NCOA2: variants seen among roughly 807,000 people sequenced by gnomAD.
NCOA2 encodes the protein nuclear receptor coactivator 2.
Under a neutral mutation model 145.1 loss-of-function variants are expected in NCOA2, and 21 were observed. The observed-to-expected ratio is 0.14, with a 90% CI of 0.10 to 0.21. NCOA2 has a LOEUF of 0.21. Ranked by LOEUF, NCOA2 falls within the 10% of genes least tolerant of loss-of-function variation. NCOA2 has a pLI of 1.00. For missense variants in NCOA2, 1,472 were observed against 1,837.6 expected (o/e 0.80, Z 3.64); for synonymous variants, 619 against 637.5 (o/e 0.97, Z 0.44).
At chr8:70,406,024 C>G (rs1032319524), upstream of NCOA2, among the ~76,000 whole-genome samples, 20 of 152,176 alleles carry the variant, frequency 1.3e-4, no homozygotes, top group Non-Finnish European at 2.8e-4. Flanking sequence ...GAACTTCAGG[C>G]TCTTGCTGTA....
intron 1 of NCOA2, among the ~76,000 whole-genome samples, chr8:70,369,158 T>C (rs559546448): frequency 6.6e-6 from 1 of 152,338 alleles, no homozygotes; most frequent in African/African-American, 2.4e-5. Context: ...TCAAAATGAA[T>C]AGACTTCACT....
chr8:70,293,971 T>C (rs934738584), intron 2 of NCOA2, among the ~76,000 whole-genome samples: 2 of 152,132 alleles, frequency 1.3e-5, no homozygotes, highest in Non-Finnish European at 2.9e-5. Flanking sequence ...TCTAAGGAAG[T>C]ATATAAATAA....
chr8:70,273,782 T>C, intron 2 of NCOA2: 1 of 588,082 alleles, frequency 1.7e-6, no homozygotes, highest in South Asian at 1.4e-5. Flanking sequence ...AGAATGATGA[T>C]GATGAAGTTC....
intron 2 of NCOA2, among the ~76,000 whole-genome samples, chr8:70,250,069 T>C (rs1266795987): frequency 1.3e-5 from 2 of 151,424 alleles, no homozygotes; most frequent in Non-Finnish European, 2.9e-5. Flanking sequence ...ATTTCCAAAC[T>C]TTTAGTAATG....
intron 2 of NCOA2, among the ~76,000 whole-genome samples, chr8:70,246,347 T>C (rs1056523219): frequency 3.9e-5 from 6 of 152,082 alleles, no homozygotes; most frequent in African/African-American, 9.7e-5. Context: ...TGCTGGGTAG[T>C]TGAAAGTGGG....
At chr8:70,125,033 G>A (rs1248994677) in intron 19 of NCOA2, among the ~76,000 whole-genome samples, 168 bp from the exon 20 acceptor site, 1 of 152,050 alleles carries the variant, frequency 6.6e-6, no homozygotes, top group Non-Finnish European at 1.5e-5. Context: ...TCCAAGCTCG[G>A]ATAAAATATG....
chr8:70,246,649 T>C (rs1299505860), intron 2 of NCOA2, among the ~76,000 whole-genome samples: 4 of 152,142 alleles, frequency 2.6e-5, no homozygotes, highest in African/African-American at 9.6e-5. Flanking sequence ...CATACTGTTA[T>C]GCAACAGATC....
intron 1 of NCOA2, among the ~76,000 whole-genome samples, chr8:70,318,493 T>C (rs1805792116): frequency 6.6e-6 from 1 of 152,086 alleles, no homozygotes; most frequent in African/African-American, 2.4e-5. Context: ...TGGCCAGGCA[T>C]GGTGGCTCAT....
chr8:70,264,894 C>T (rs1417765136), intron 2 of NCOA2, among the ~76,000 whole-genome samples: 1 of 151,674 alleles, frequency 6.6e-6, no homozygotes, highest in African/African-American at 2.4e-5. Context: ...GAATAGTATA[C>T]TATTTAACTG....
chr8:70,116,487 G>C (rs1807145425), intron 22 of NCOA2, among the ~76,000 whole-genome samples: 1 of 151,052 alleles, frequency 6.6e-6, no homozygotes, highest in Non-Finnish European at 1.5e-5. Flanking sequence ...GGAGACAGAG[G>C]CTGCAGTGAG....
chr8:70,324,171 C>T (rs1181950107), intron 1 of NCOA2, among the ~76,000 whole-genome samples: 1 of 152,118 alleles, frequency 6.6e-6, no homozygotes, highest in Non-Finnish European at 1.5e-5. Flanking sequence ...CTATTTTCTC[C>T]ATCTTATCAA....
At chr8:70,300,018 C>A (rs1220741870) in intron 1 of NCOA2, among the ~76,000 whole-genome samples, 1 of 152,138 alleles carries the variant, frequency 6.6e-6, no homozygotes, top group Non-Finnish European at 1.5e-5. Flanking sequence ...TGAAAGAAGA[C>A]TGACACAAAT....
chr8:70,119,004 T>C (rs1384226987), intron 22 of NCOA2, among the ~76,000 whole-genome samples: 2 of 152,060 alleles, frequency 1.3e-5, no homozygotes, highest in South Asian at 2.1e-4. Flanking sequence ...GGATTTTTTA[T>C]TTTATTTTTA....
At chr8:70,270,556 G>A (rs147096964) in intron 2 of NCOA2, among the ~76,000 whole-genome samples, 6 of 152,174 alleles carry the variant, frequency 3.9e-5, no homozygotes, top group African/African-American at 1.2e-4. Context: ...TGCTGTAGTC[G>A]GGGTGGCTGG....
chr8:70,436,211 C>A, the NCOA2 span, among the ~76,000 whole-genome samples: 1 of 152,138 alleles, frequency 6.6e-6, no homozygotes, highest in South Asian at 2.1e-4. Flanking sequence ...AGCCTAATGC[C>A]CAGACGTTGA....
intron 3 of NCOA2, among the ~76,000 whole-genome samples, chr8:70,215,285 G>A (rs978937732): frequency 6.6e-6 from 1 of 152,138 alleles, no homozygotes; most frequent in African/African-American, 2.4e-5. Context: ...ACAAATAGGT[G>A]AGAAAGGGGA....
At chr8:70,249,977 A>AAAAG (rs751876043) in intron 2 of NCOA2, among the ~76,000 whole-genome samples, 28 of 137,972 alleles carry the variant, frequency 2.0e-4, no homozygotes, top group East Asian at 2.0e-3. Flanking sequence ...AAAAAAAAAA[A>AAAAG]AAGAAGAAGA....
intron 9 of NCOA2, among the ~76,000 whole-genome samples, chr8:70,159,876 T>C (rs1812752438): frequency 6.6e-6 from 1 of 152,210 alleles, no homozygotes; most frequent in South Asian, 2.1e-4. Flanking sequence ...CTGTTTTCCT[T>C]ATGAAAAGGA....
chr8:70,301,184 T>C (rs971828566), intron 1 of NCOA2, among the ~76,000 whole-genome samples: 2 of 152,210 alleles, frequency 1.3e-5, no homozygotes, highest in African/African-American at 2.4e-5. Context: ...CTTGAGGTTT[T>C]TGGTATAGTA....
Sources: gnomAD v4.1 joint callset for allele counts (sites outside exome capture counted in the v4.1 genomes callset) on GRCh38, gnomAD v4.1.1 for gene constraint, MANE v1.5 for transcripts, NCBI Gene and HGNC (gene_info 2026-07-23, HGNC 2026-07-21) for gene names.